Variants in CRHBP observed in about 807,000 individuals in gnomAD.
The protein encoded by CRHBP is corticotropin releasing hormone binding protein.
In CRHBP, 19 loss-of-function variants were observed where a neutral mutation model predicts 34.9. The ratio of observed to expected loss-of-function variants is 0.55; its 90% CI spans 0.38 to 0.80. The LOEUF (loss-of-function observed/expected upper bound fraction) is 0.80. Ranked by LOEUF, CRHBP falls within the 30% of genes least tolerant of loss-of-function variation. CRHBP has a pLI of 0.00. For synonymous variants in CRHBP, 154 were observed against 153.4 expected, an observed-to-expected ratio of 1.00 and a Z score of -0.03; for missense variants, 328 against 409.2, an observed-to-expected ratio of 0.80 and a Z score of 1.71.
chr5:76,973,418 A>G (rs1379729699), downstream of CRHBP, among the ~76,000 whole-genome samples: 40 of 152,242 alleles, frequency 2.6e-4, no homozygotes. Context: ...ATTGTTTTCC[A>G]GTAAAATATC....
At chr5:76,980,591 C>T (rs933166595) in intron 3 of CRHBP, among the ~76,000 whole-genome samples, 7 of 152,132 alleles carry the variant, frequency 4.6e-5, no homozygotes, top group Admixed American at 1.3e-4. Context: ...TGCCATAGAA[C>T]GAAGACATTT....
chr5:76,956,680 C>T (rs938182734), intron 4 of CRHBP, among the ~76,000 whole-genome samples: 20 of 151,438 alleles, frequency 1.3e-4, no homozygotes, highest in African/African-American at 3.9e-4. Context: ...GCTGAGATCG[C>T]GCCACTGCGC....
chr5:76,963,093 A>G (rs1182140720), intron 5 of CRHBP: 1 of 407,156 alleles, frequency 2.5e-6, no homozygotes, highest in Non-Finnish European at 4.4e-6. Context: ...CTTGAGCTTA[A>G]AAAAAATGAA....
downstream of CRHBP, among the ~76,000 whole-genome samples, chr5:76,971,619 A>T (rs906436169): frequency 6.6e-6 from 1 of 152,188 alleles, no homozygotes; most frequent in Non-Finnish European, 1.5e-5. Flanking sequence ...AGGGTAGATC[A>T]TGTCAGGATT....
chr5:76,970,564 T>C (rs1248972007), downstream of CRHBP, among the ~76,000 whole-genome samples: 1 of 152,210 alleles, frequency 6.6e-6, no homozygotes, highest in Admixed American at 6.5e-5. Flanking sequence ...CGGATGACTA[T>C]AATTCTTGAT....
chr5:76,974,566 T>G (rs1279928913), intron 2 of CRHBP, among the ~76,000 whole-genome samples: 1 of 152,136 alleles, frequency 6.6e-6, no homozygotes, highest in Admixed American at 6.5e-5. Flanking sequence ...TTTGTTTATG[T>G]GCTCAAAAGC....
chr5:76,969,826 A>T (rs1216119026), downstream of CRHBP, among the ~76,000 whole-genome samples: 1 of 151,600 alleles, frequency 6.6e-6, no homozygotes, highest in Non-Finnish European at 1.5e-5. Context: ...TACTGAAGGC[A>T]GTTTACTGTT....
At chr5:76,975,825 A>AAAAAAT in intron 2 of CRHBP, among the ~76,000 whole-genome samples, 1 of 61,858 alleles carries the variant, frequency 1.6e-5, no homozygotes, top group African/African-American at 9.1e-5. Flanking sequence ...AAAAAAAAAA[A>AAAAAAT]ATATATATAT....
intron 6 of CRHBP, among the ~76,000 whole-genome samples, chr5:76,965,651 G>A (rs889031246): frequency 1.3e-5 from 2 of 152,106 alleles, no homozygotes; most frequent in Admixed American, 6.5e-5. Context: ...TCATTTTTCC[G>A]CTTGAGTGAT....
chr5:76,953,324 T>C, intron 1 of CRHBP, 109 bp downstream of exon 1: 1 of 1,034,602 alleles, frequency 9.7e-7, no homozygotes, highest in Non-Finnish European at 1.5e-6. Flanking sequence ...TTCTTCCCTC[T>C]CTGCTGGATG....
downstream of CRHBP, among the ~76,000 whole-genome samples, chr5:76,969,728 T>C (rs568665403): frequency 1.3e-4 from 20 of 152,170 alleles, no homozygotes; most frequent in Non-Finnish European, 2.2e-4. Context: ...TACGTGTTTT[T>C]GTCACGATAT....
At chr5:76,966,146 G>A (rs1745857621) in intron 6 of CRHBP, among the ~76,000 whole-genome samples, 2 of 152,150 alleles carry the variant, frequency 1.3e-5, no homozygotes, top group South Asian at 2.1e-4. Flanking sequence ...TGCCTCCCGA[G>A]TAGCTGGGAT....
rs564201787 is a variant in CRHBP, at chr5:76,979,727, G to A, written n.468-1234G>A. 5.3e-5 allele frequency among the ~76,000 whole-genome samples: 8 copies of A among 152,192 alleles called. No individual in the cohort carries two copies. In the South Asian group the frequency reaches 1.2e-3, roughly 24 times the overall value. Reference sequence around the variant, plus strand: ...CACACTTAGTATACTACATTATACTGTAAACATCACTTCTATATGTACTAG... The same window carrying A: ...CACACTTAGTATACTACATTATACTATAAACATCACTTCTATATGTACTAG... On this transcript the variant is annotated intron_variant and non_coding_transcript_variant, in intron 3 of 3. Coordinates refer to the CRHBP transcript ENST00000514258.
At chr5:76,957,725 T>G (rs1745706557) in intron 4 of CRHBP, among the ~76,000 whole-genome samples, 1 of 152,234 alleles carries the variant, frequency 6.6e-6, no homozygotes, top group Non-Finnish European at 1.5e-5. Flanking sequence ...AACAAAAAAT[T>G]GTAGAAGTTC....
At position 76,969,313 on chromosome 5, in the gene CRHBP, T is replaced by C. The variant is rs1379192679; in HGVS notation, c.*428T>C. On this transcript the variant is annotated 3_prime_UTR_variant, in exon 7 of 7. Coordinates refer to ENST00000274368, the MANE Select transcript of CRHBP (RefSeq NM_001882.4). ...TCTTGTGTATAGCAAAGTAGTTGCA[T>C]CTGTTTATTTTCTATTTATTATTGT... The C allele has an allele frequency of 6.5e-6, 1 of 154,212 alleles. No individual in the cohort carries two copies. The highest frequency in any genetic ancestry group is 1.4e-5 in the Non-Finnish European group (1 of 69,122). The allele number at this position is 154,212 out of a possible 1,614,324, so 9.6% of individuals were successfully genotyped here.
intron 3 of CRHBP, among the ~76,000 whole-genome samples, chr5:76,977,401 A>G (rs1448472592): frequency 6.6e-6 from 1 of 152,122 alleles, no homozygotes; most frequent in Admixed American, 6.5e-5. Flanking sequence ...TTCCAACAAC[A>G]TGTGTTCACT....
intron 2 of CRHBP, among the ~76,000 whole-genome samples, chr5:76,975,029 A>G (rs1746004157): frequency 6.6e-6 from 1 of 152,220 alleles, no homozygotes; most frequent in Non-Finnish European, 1.5e-5. Context: ...TAAGACATAC[A>G]GTTGGATGAG....
intron 4 of CRHBP, among the ~76,000 whole-genome samples, chr5:76,956,102 T>C (rs1745664686): frequency 6.6e-6 from 1 of 152,236 alleles, no homozygotes; most frequent in Non-Finnish European, 1.5e-5. Context: ...ATTCTATCTT[T>C]TCTCCAAAGT....
In CRHBP at chr5:76,968,895, C is replaced by T; in HGVS notation, c.*10C>T. On this transcript the variant is annotated 3_prime_UTR_variant, in exon 7 of 7. Coordinates refer to ENST00000274368, the MANE Select transcript of CRHBP (RefSeq NM_001882.4). ...TTTGTCTGGTCTTTGAATAACCAAC[C>T]CAGTGATTTACATGCTGATAGCTAA... 2 of 1,610,584 alleles carry T rather than the reference C, an allele frequency of 1.2e-6. No individual in the cohort carries two copies. The highest frequency in any genetic ancestry group is 1.1e-5 in the South Asian group (1 of 90,614).
Sources: gnomAD v4.1 joint callset for allele counts (sites outside exome capture counted in the v4.1 genomes callset) on GRCh38, gnomAD v4.1.1 for gene constraint, MANE v1.5 for transcripts, NCBI Gene and HGNC (gene_info 2026-07-23, HGNC 2026-07-21) for gene names.